The following CYP7B1 variants were observed in gnomAD, a reference collection of about 807,000 sequenced individuals.
CYP7B1 encodes cytochrome P450 family 7 subfamily B member 1.
Under a neutral mutation model 42.7 loss-of-function variants are expected in CYP7B1, and 29 were observed. The ratio of observed to expected loss-of-function variants is 0.68; its 90% confidence interval spans 0.51 to 0.93. CYP7B1 has a LOEUF of 0.93. CYP7B1 is among the 40% of genes least tolerant of loss of function. CYP7B1 has a pLI of 0.00. For synonymous variants in CYP7B1, 235 were observed against 218.2 expected, an observed-to-expected ratio of 1.08 and a Z score of -0.68; for missense variants, 655 against 600.5, an observed-to-expected ratio of 1.09 and a Z score of -0.95.
intron 1 of CYP7B1, among the ~76,000 whole-genome samples, chr8:64,709,369 G>A (rs1807047086): frequency 6.6e-6 from 1 of 152,176 alleles, no homozygotes; most frequent in Non-Finnish European, 1.5e-5. Flanking sequence ...GAGAAGAAAA[G>A]AGTGTTATGC....
chr8:64,787,593 T>G (rs1229048992), intron 1 of CYP7B1, among the ~76,000 whole-genome samples: 1 of 152,204 alleles, frequency 6.6e-6, no homozygotes, highest in East Asian at 1.9e-4. Flanking sequence ...GCCCTCCAAG[T>G]CTCTAAGAAG....
chr8:64,689,241 G>A (rs1806702247), intron 1 of CYP7B1, among the ~76,000 whole-genome samples: 1 of 152,192 alleles, frequency 6.6e-6, no homozygotes, highest in African/African-American at 2.4e-5. Context: ...ACTCATAAGT[G>A]AGTTATAATT....
intron 1 of CYP7B1, among the ~76,000 whole-genome samples, chr8:64,715,224 A>T (rs1807136786): frequency 6.6e-6 from 1 of 152,214 alleles, no homozygotes; most frequent in Non-Finnish European, 1.5e-5. Context: ...AATGCTAGAA[A>T]TTTTTTATAA....
intron 1 of CYP7B1, among the ~76,000 whole-genome samples, chr8:64,681,887 G>C (rs1468686982): frequency 6.6e-6 from 1 of 152,226 alleles, no homozygotes; most frequent in African/African-American, 2.4e-5. Flanking sequence ...TTGGGGGGCA[G>C]TTTGTTACAC....
intron 1 of CYP7B1, among the ~76,000 whole-genome samples, chr8:64,677,414 G>C (rs577257807): frequency 2.1e-5 from 2 of 93,902 alleles, no homozygotes; most frequent in East Asian, 7.1e-4. Context: ...CCAGAAATGA[G>C]ATAAACGGCA....
At chr8:64,674,562 T>C (rs1317251759) in intron 1 of CYP7B1, among the ~76,000 whole-genome samples, 1 of 152,140 alleles carries the variant, frequency 6.6e-6, no homozygotes, top group African/African-American at 2.4e-5. Context: ...GCATTGATGC[T>C]CCAGCTTATT....
intron 1 of CYP7B1, among the ~76,000 whole-genome samples, chr8:64,723,956 C>T (rs1455384339): frequency 6.6e-6 from 1 of 152,016 alleles, no homozygotes; most frequent in East Asian, 1.9e-4. Context: ...GCAGAGAACA[C>T]ATCTTTAAAA....
chr8:64,764,198 C>T (rs1381669606), intron 1 of CYP7B1, among the ~76,000 whole-genome samples: 5 of 151,818 alleles, frequency 3.3e-5, no homozygotes, highest in Non-Finnish European at 5.9e-5. Context: ...AAGATGCTCT[C>T]CTCCCCGAAT....
At chr8:64,701,147 G>A (rs1806910394) in intron 1 of CYP7B1, among the ~76,000 whole-genome samples, 1 of 152,000 alleles carries the variant, frequency 6.6e-6, no homozygotes, top group African/African-American at 2.4e-5. Context: ...ATCTACATGA[G>A]ATCAAAACCC....
chr8:64,616,757 G>T (rs1010605674), intron 2 of CYP7B1, among the ~76,000 whole-genome samples: 2 of 152,136 alleles, frequency 1.3e-5, no homozygotes, highest in Non-Finnish European at 2.9e-5. Context: ...TCAAATAAAT[G>T]ACCATACTGT....
chr8:64,675,029 G>T (rs925721050), intron 1 of CYP7B1, among the ~76,000 whole-genome samples: 1 of 152,028 alleles, frequency 6.6e-6, no homozygotes, highest in African/African-American at 2.4e-5. Context: ...GTTTCATAGG[G>T]TGGTAAGTTA....
intron 1 of CYP7B1, among the ~76,000 whole-genome samples, chr8:64,716,905 G>A (rs1194830216): frequency 6.6e-6 from 1 of 152,086 alleles, no homozygotes; most frequent in Non-Finnish European, 1.5e-5. Flanking sequence ...AATTACTGAG[G>A]GAGGAGTGCT....
intron 1 of CYP7B1, 73 bp downstream of exon 1, chr8:64,798,393 C>G (rs1323582261): frequency 7.0e-7 from 1 of 1,432,372 alleles, no homozygotes; most frequent in Non-Finnish European, 9.0e-7. Context: ...AGGGGGACTC[C>G]CCTCGCCATC....
chr8:64,747,330 C>T (rs1807659014), intron 1 of CYP7B1, among the ~76,000 whole-genome samples: 1 of 149,368 alleles, frequency 6.7e-6, no homozygotes, highest in Admixed American at 6.7e-5. Context: ...AAGTGTATAG[C>T]TGACCTTTGA....
At chr8:64,683,485 A>C (rs896103738) in intron 1 of CYP7B1, among the ~76,000 whole-genome samples, 1 of 152,184 alleles carries the variant, frequency 6.6e-6, no homozygotes, top group African/African-American at 2.4e-5. Flanking sequence ...TAATGGGTAC[A>C]AAAAAATAGA....
intron 1 of CYP7B1, among the ~76,000 whole-genome samples, chr8:64,797,916 G>C (rs549657078): frequency 1.3e-5 from 2 of 152,178 alleles, no homozygotes; most frequent in African/African-American, 4.8e-5. Context: ...AAAATGATAG[G>C]ACAACTGCAT....
chr8:64,645,568 A>T (rs1301363573), intron 1 of CYP7B1, among the ~76,000 whole-genome samples: 1 of 152,232 alleles, frequency 6.6e-6, no homozygotes, highest in Non-Finnish European at 1.5e-5. Flanking sequence ...AAATGGAAGA[A>T]CATTTCATGC....
chr8:64,681,339 G>C (rs1467047934), intron 1 of CYP7B1, among the ~76,000 whole-genome samples: 1 of 152,080 alleles, frequency 6.6e-6, no homozygotes, highest in Non-Finnish European at 1.5e-5. Flanking sequence ...AGTAGTGGTG[G>C]GGGGAGGAAG....
chr8:64,792,461 C>T (rs971861210), intron 1 of CYP7B1, among the ~76,000 whole-genome samples: 19 of 152,104 alleles, frequency 1.2e-4, no homozygotes, highest in Admixed American at 1.1e-3. Flanking sequence ...CTTTTGCTAG[C>T]GGTGGGAAGA....
Sources: allele counts gnomAD v4.1 joint callset (sites outside exome capture counted in the v4.1 genomes callset), GRCh38; gene constraint gnomAD v4.1.1; transcripts MANE v1.5; gene names NCBI Gene and HGNC (gene_info 2026-07-23, HGNC 2026-07-21).